Variants in CABIN1 observed in about 807,000 individuals in gnomAD.
CABIN1 encodes the protein calcineurin-binding protein cabin-1.
In CABIN1, 133 loss-of-function variants were observed where a neutral mutation model predicts 227.7. That is an observed-to-expected ratio of 0.58 (90% CI 0.51 to 0.67). The LOEUF is 0.67. CABIN1 is among the 30% of genes least tolerant of loss of function. The probability of loss-of-function intolerance (pLI) is 0.00; values close to 1 mark genes in which losing one functional copy is unlikely to be tolerated. For missense variants in CABIN1, 2,408 were observed against 2,852.5 expected, an observed-to-expected ratio of 0.84 and a Z score of 3.55; for synonymous variants, 1,086 against 1,155.1, an observed-to-expected ratio of 0.94 and a Z score of 1.21.
In CABIN1 at chr22:24,165,514, C is replaced by T. The variant is rs760787765; in HGVS notation, c.4911-16C>T. 7.5e-6 allele frequency: 12 copies of T among 1,608,536 alleles called. No individual in the cohort carries two copies. The highest frequency in any genetic ancestry group is 3.3e-5 in the South Asian group (3 of 90,168). ...ATGCCCTCCTGTCCTCTCTGACTACCCCTGTATGACCGCAGGAAGTATCTG... is the reference window on the plus strand; with the variant it reads ...ATGCCCTCCTGTCCTCTCTGACTACTCCTGTATGACCGCAGGAAGTATCTG... On this transcript the variant is annotated splice_polypyrimidine_tract_variant and intron_variant, in intron 30 of 36. Transcript: ENST00000263119.
At chr22:24,122,529 G>A (rs6004063) in intron 28 of CABIN1, among the ~76,000 whole-genome samples, 6,518 of 152,130 alleles carry the variant, frequency 0.043, 270 homozygotes, top group African/African-American at 0.1. Flanking sequence ...CCAACATGGC[G>A]AAATCTTGTC....
chr22:24,058,994 G>A (rs1334835780), intron 10 of CABIN1, among the ~76,000 whole-genome samples: 2 of 152,304 alleles, frequency 1.3e-5, no homozygotes, highest in African/African-American at 2.4e-5. Flanking sequence ...GCTGGTGCTC[G>A]GTAATCATCT....
At chr22:24,171,579 T>G in intron 33 of CABIN1, 134 bp from the exon 34 acceptor site, 1 of 970,444 alleles carries the variant, frequency 1.0e-6, no homozygotes, top group Non-Finnish European at 1.6e-6. Context: ...GGCTCAGTGG[T>G]GCCATATGGG....
chr22:24,056,547 C>T, intron 10 of CABIN1, 187 bp downstream of exon 10: 1 of 620,664 alleles, frequency 1.6e-6, no homozygotes, highest in Non-Finnish European at 2.8e-6. Context: ...CTCGCCTCTT[C>T]CCACCTCTGA....
At position 24,050,798 on chromosome 22, in the gene CABIN1, A is replaced by G. The variant is rs780433579; in HGVS notation, c.657-27A>G. 5 of 1,613,886 alleles carry G rather than the reference A, an allele frequency of 3.1e-6. No individual in the cohort carries two copies. The African/African-American group carries it at 5.3e-5, about 17-fold the overall frequency. On this transcript the variant is annotated intron_variant, in intron 7 of 36. Coordinates refer to ENST00000263119, the MANE Select transcript of CABIN1 (RefSeq NM_012295.4). Reference sequence around the variant, plus strand: ...CTCAGTTTTAGTTTGTAACATGATAATTTCTCCCTGTCTCACATGCTTTTA... The same window carrying G: ...CTCAGTTTTAGTTTGTAACATGATAGTTTCTCCCTGTCTCACATGCTTTTA...
intron 19 of CABIN1, among the ~76,000 whole-genome samples, chr22:24,081,061 C>T (rs1010721734): frequency 3.9e-4 from 60 of 152,084 alleles, no homozygotes; most frequent in African/African-American, 1.4e-3. Context: ...GAAAAGCAGT[C>T]GTAGATATTA....
intron 18 of CABIN1, 31 bp from the exon 19 acceptor site, chr22:24,076,138 C>T: frequency 6.4e-7 from 1 of 1,569,734 alleles, no homozygotes; most frequent in Non-Finnish European, 8.8e-7. Context: ...CCCACACTAA[C>T]TCTGTGTCTG....
At chr22:24,064,451 C>T (rs539353237) in intron 15 of CABIN1, among the ~76,000 whole-genome samples, 2 of 151,726 alleles carry the variant, frequency 1.3e-5, no homozygotes, top group East Asian at 1.9e-4. Context: ...AGGTGATCCA[C>T]CTGTCTTGGC....
rs372643656 is a variant in CABIN1 at position 24,019,564 on chromosome 22, A to G, written c.-75+8197A>G. On this transcript the variant is annotated intron_variant, in intron 1 of 36. Transcript: ENST00000263119. ...GCCACCATGCCCCGCCTGCTGAGTT[A>G]TTATTGAATAAATTTTATCATTGAT... is the stretch of plus-strand genomic sequence containing the variant. 3.4e-5 allele frequency among the ~76,000 whole-genome samples: 5 copies of G among 145,602 alleles called. No individual in the cohort carries two copies. In the East Asian group the frequency reaches 1.1e-3, roughly 31 times the overall value.
intron 1 of CABIN1, among the ~76,000 whole-genome samples, chr22:24,015,383 T>G (rs1193962803): frequency 6.6e-6 from 1 of 150,688 alleles, no homozygotes; most frequent in East Asian, 2.0e-4. Context: ...CTCGCTCTTT[T>G]GCCCAGGCCT....
rs750874746 is a variant in CABIN1, at chr22:24,166,731, G to A, written c.5100G>A (p.Gln1700=). ...ACAAGGCCAGTCCTGAGGATGGCCA[G>A]GAGGGCCTCCCCCAGCCGAAGAAGC... is the stretch of plus-strand genomic sequence containing the variant. ...VSHKASPEDG[Q]EGLPQPKKPP... The change falls in exon 32 of 37, where the codon CAG becomes CAA. Residue 1700 remains glutamine, a synonymous_variant. Coordinates refer to ENST00000263119, the MANE Select transcript of CABIN1 (RefSeq NM_012295.4). 7 of 1,612,708 alleles carry A rather than the reference G, an allele frequency of 4.3e-6. No homozygotes were observed. In the South Asian group the frequency reaches 5.5e-5, roughly 13 times the overall value.
At chr22:24,064,978 C>G (rs2039505887) in intron 15 of CABIN1, among the ~76,000 whole-genome samples, 3 of 152,374 alleles carry the variant, frequency 2.0e-5, no homozygotes, top group Admixed American at 1.3e-4. Context: ...TCCCCCTTTT[C>G]TATTCCACGA....
chr22:24,114,137 G>A (rs2042956345), intron 27 of CABIN1, among the ~76,000 whole-genome samples: 1 of 152,198 alleles, frequency 6.6e-6, no homozygotes, highest in Admixed American at 6.5e-5. Context: ...TGTCACAAAT[G>A]TGTTTTCCTT....
At position 24,038,332 on chromosome 22, in the gene CABIN1, T is replaced by C; in HGVS notation, c.97-16T>C. On this transcript the variant is annotated splice_polypyrimidine_tract_variant and intron_variant, in intron 3 of 36. Transcript: ENST00000263119. ...TCTTTATGCTGTATGAAAACATCTC[T>C]TGTCTTGATTTGCAGGAAGCAGAGG... is the stretch of plus-strand genomic sequence containing the variant. 1 of 1,595,260 alleles carries C rather than the reference T, an allele frequency of 6.3e-7. No homozygotes were observed. The highest frequency in any genetic ancestry group is 8.6e-7 in the Non-Finnish European group (1 of 1,163,012).
At position 24,051,783 on chromosome 22, in the gene CABIN1, C is replaced by G. The variant is rs762272; in HGVS notation, c.806+809C>G. On this transcript the variant is annotated intron_variant, in intron 8 of 36. Transcript: ENST00000263119. ...CCTAGCAACGGGGAGAGCAACATCT[C>G]TCTCATAGGGTTGTCATGATAATGA... Among the ~76,000 whole-genome samples the G allele has an allele frequency of 2.2e-3, 337 of 152,132 alleles. 5 individuals are homozygous for G. The East Asian group carries it at 0.055, about 25-fold the overall frequency.
chr22:24,116,263 C>T (rs2043080630), intron 27 of CABIN1, among the ~76,000 whole-genome samples: 1 of 152,190 alleles, frequency 6.6e-6, no homozygotes, highest in Admixed American at 6.5e-5. Context: ...AAGTTGTCCA[C>T]AGTTTCATCA....
In CABIN1 at chr22:24,104,689, A is replaced by T. The variant is rs558329671; in HGVS notation, c.4117+6497A>T. On this transcript the variant is annotated intron_variant, in intron 26 of 36. Coordinates refer to ENST00000263119, the MANE Select transcript of CABIN1 (RefSeq NM_012295.4). ...CAGTCTTCTCAGCCTGACAATGGGC[A>T]CCCCGATTTCCCGGGCCAGCCTTGC... 5.9e-5 allele frequency among the ~76,000 whole-genome samples: 9 copies of T among 152,182 alleles called. No homozygotes were observed. In the East Asian group the frequency reaches 1.4e-3, roughly 23 times the overall value.
At chr22:24,029,075 G>A (rs1191466866) in intron 1 of CABIN1, among the ~76,000 whole-genome samples, 1 of 152,132 alleles carries the variant, frequency 6.6e-6, no homozygotes, top group African/African-American at 2.4e-5. Context: ...AAAAACTCAA[G>A]GCCAGGTACG....
chr22:24,168,308 A>C (rs2046576369), intron 32 of CABIN1, 139 bp from the exon 33 acceptor site: 1 of 761,182 alleles, frequency 1.3e-6, no homozygotes, highest in Non-Finnish European at 2.3e-6. Flanking sequence ...TATTCAGCAG[A>C]GTCTGGGGTG....
Sources: allele counts gnomAD v4.1 joint callset (sites outside exome capture counted in the v4.1 genomes callset), GRCh38; gene constraint gnomAD v4.1.1; transcripts MANE v1.5; gene names NCBI Gene and HGNC (gene_info 2026-07-23, HGNC 2026-07-21).